Variants in PAQR4 observed in about 807,000 individuals in gnomAD.
The protein encoded by PAQR4 is progestin and adipoQ receptor family member IV.
Under a neutral mutation model 20.9 loss-of-function variants are expected in PAQR4, and 26 were observed. The observed-to-expected ratio is 1.24, with a 90% confidence interval of 0.91 to 1.73. PAQR4 has a LOEUF of 1.73. Among genes scored for constraint, PAQR4 ranks in the 40% most tolerant of loss-of-function variants. The pLI is 0.00. For synonymous variants in PAQR4, 193 were observed against 171.6 expected, an observed-to-expected ratio of 1.12 and a Z score of -0.97; for missense variants, 400 against 380.1, an observed-to-expected ratio of 1.05 and a Z score of -0.44.
Position 2,969,836 on chromosome 16 carries a change from G to A in PAQR4, c.162G>A (p.Thr54=), listed in dbSNP as rs1490081680. The A allele has an allele frequency of 3.1e-6, 5 of 1,609,824 alleles. No homozygotes were observed. The highest frequency in any genetic ancestry group is 3.4e-6 in the Non-Finnish European group (4 of 1,178,640). ...ACAACGAACTGGGCAACATCTACACGCACGGTGAGCCGCGTCCCGCAACGC... is the reference window on the plus strand; with the variant it reads ...ACAACGAACTGGGCAACATCTACACACACGGTGAGCCGCGTCCCGCAACGC... ...YLHNELGNIY[T]HGLALLGFLV... Residue 54 remains threonine (T), a synonymous_variant, in exon 1 of 3, where the codon ACG becomes ACA. Coordinates refer to ENST00000318782, the MANE Select transcript of PAQR4 (RefSeq NM_152341.5).
At position 2,973,156 on chromosome 16, in the gene PAQR4, C is replaced by CG. The variant is rs776822706; in HGVS notation, c.*1214dup. ...TGCTTACCTGGGTGTGCACCTGCTC[C>CG]GGGGGGTGGAGGTGCTCCCCACAGT... On this transcript the variant is annotated 3_prime_UTR_variant, in exon 3 of 3. Coordinates refer to ENST00000318782, the MANE Select transcript of PAQR4 (RefSeq NM_152341.5). The CG allele has an allele frequency of 1.3e-6, 2 of 1,541,800 alleles. No homozygotes were observed. Among genetic ancestry groups the CG allele is most frequent in the Non-Finnish European group, 8.8e-7 (1 of 1,137,986 alleles).
rs2072057928 is a variant in PAQR4 at position 2,973,236 on chromosome 16, CAAG to C, written c.*1289_*1291del. ...AAGGCCTGCAGGAGGGCAGGCGAGACAAGGAGGGTGTCCAGGGCTAGGGAGTGC... is the reference window on the plus strand; with the variant it reads ...AAGGCCTGCAGGAGGGCAGGCGAGACGAGGGTGTCCAGGGCTAGGGAGTGC... On this transcript the variant is annotated 3_prime_UTR_variant, in exon 3 of 3. Transcript: ENST00000318782. 5.4e-6 allele frequency: 8 copies of C among 1,484,584 alleles called. No individual in the cohort carries two copies. Among genetic ancestry groups the C allele is most frequent in the Non-Finnish European group, 6.3e-6 (7 of 1,113,590 alleles). The allele number at this position is 1,484,584 out of a possible 1,614,324, so 92.0% of individuals were successfully genotyped here. A position where few individuals can be genotyped will look rare whatever the true frequency, so the allele number is the denominator to read the frequency against.
chr16:2,969,570 C>T lies in PAQR4; in HGVS notation c.-105C>T. The T allele has an allele frequency of 7.8e-7, 1 of 1,282,610 alleles. No individual in the cohort carries two copies. Among genetic ancestry groups the T allele is most frequent in the Non-Finnish European group, 1.0e-6 (1 of 1,000,286 alleles). The allele number at this position is 1,282,610 out of a possible 1,614,324, so 79.5% of individuals were successfully genotyped here. On this transcript the variant is annotated 5_prime_UTR_variant, in exon 1 of 3. Coordinates refer to ENST00000318782, the MANE Select transcript of PAQR4 (RefSeq NM_152341.5). ...TCGAGCGCAGGGCGATGGGTGGGCG[C>T]CGGGCGCCGGGCGCCAGGCAGTGAT...
chr16:2,970,666 G>T (rs550454526), intron 1 of PAQR4, among the ~76,000 whole-genome samples: 1 of 152,234 alleles, frequency 6.6e-6, no homozygotes, highest in Admixed American at 6.5e-5. Flanking sequence ...AAGGCCCAGT[G>T]CCTCCATTTG....
rs751635157 is a variant in PAQR4, at chr16:2,971,212, G to T, written c.222G>T (p.Gln74His). 6.2e-7 allele frequency: 1 copy of T among 1,613,396 alleles called. No individual in the cohort carries two copies. The highest frequency in any genetic ancestry group is 8.5e-7 in the Non-Finnish European group (1 of 1,180,012). ...TGCCAATGACCATGCCCTGGGGTCA[G>T]CTGGGCAAGGATGGCTGGCTGGGAG... is the stretch of plus-strand genomic sequence containing the variant. ...VLVPMTMPWG[Q>H]LGKDGWLGGT... Residue 74 changes from glutamine (Q) to histidine (H), a missense_variant, in exon 2 of 3, where the codon CAG becomes CAT. By Grantham distance (24) the Gln-to-His change is conservative. Transcript: ENST00000318782.
At position 2,971,557 on chromosome 16, in the gene PAQR4, G is replaced by C; in HGVS notation, c.431G>C (p.Trp144Ser). The change falls in exon 3 of 3, where the codon TGG becomes TCG. Residue 144 changes from tryptophan (W) to serine (S), a missense_variant. Transcript: ENST00000318782. Reference protein sequence around the residue: ...IIHCTLACRPWLRPAALVGYT... With the variant: ...IIHCTLACRPSLRPAALVGYT... ...CACTGCACCCTGGCCTGCAGGCCCT[G>C]GCTGCGCCCGGCTGCCCTGGTGGGC... is the stretch of plus-strand genomic sequence containing the variant. The C allele has an allele frequency of 6.3e-7, 1 of 1,595,982 alleles. No homozygotes were observed. The highest frequency in any genetic ancestry group is 1.3e-5 in the African/African-American group (1 of 74,972).
chr16:2,972,172 G>A lies in PAQR4; in HGVS notation c.*224G>A. On this transcript the variant is annotated 3_prime_UTR_variant, in exon 3 of 3. Transcript: ENST00000318782. ...TTTCCCTCCAAGCTCCTATTTTACTGTGTCAGCTGGAAGGAAACCTTTCCC... is the reference window on the plus strand; with the variant it reads ...TTTCCCTCCAAGCTCCTATTTTACTATGTCAGCTGGAAGGAAACCTTTCCC... The A allele has an allele frequency of 1.7e-6, 1 of 573,766 alleles. No homozygotes were observed. The highest frequency in any genetic ancestry group is 3.0e-6 in the Non-Finnish European group (1 of 329,784). 35.5% of individuals were successfully genotyped at this position (573,766 alleles called of 1,614,324 possible). A position where few individuals can be genotyped will look rare whatever the true frequency, so the allele number is the denominator to read the frequency against.
intron 1 of PAQR4, 183 bp downstream of exon 1, chr16:2,970,023 C>A: frequency 1.2e-6 from 1 of 837,192 alleles, no homozygotes; most frequent in Non-Finnish European, 1.8e-6. Flanking sequence ...CTTCCGTTTT[C>A]CCGGCGGGTG....
chr16:2,972,969 G>A lies in PAQR4; in HGVS notation c.*1021G>A. 1 of 1,608,614 alleles carries A rather than the reference G, an allele frequency of 6.2e-7. No individual in the cohort carries two copies. Among genetic ancestry groups the A allele is most frequent in the Non-Finnish European group, 8.5e-7 (1 of 1,178,582 alleles). ...GTCTGGGGCTCAGGTTGGGTCTAGG[G>A]TGTCCTCAAACAGGCTGAGGAGGTT... On this transcript the variant is annotated 3_prime_UTR_variant, in exon 3 of 3. Transcript: ENST00000318782.
chr16:2,973,290 GCAGGCTC>G lies in PAQR4; in HGVS notation c.*1351_*1357del, dbSNP rs943704306. ...CGGATGAAACCAGCTCTGTCCCTGT[GCAGGCTC>G]CAGGCTCCCGCCTGACAAACAGGCA... On this transcript the variant is annotated 3_prime_UTR_variant, in exon 3 of 3. Transcript: ENST00000318782. The G allele has an allele frequency of 8.7e-6, 13 of 1,502,378 alleles. No homozygotes were observed. Among genetic ancestry groups the G allele is most frequent in the Admixed American group, 2.4e-5 (1 of 40,834 alleles). 93.1% of individuals were successfully genotyped at this position (1,502,378 alleles called of 1,614,324 possible).
rs113543932 is a variant in PAQR4, at chr16:2,973,157, G to A, written c.*1209G>A. On this transcript the variant is annotated 3_prime_UTR_variant, in exon 3 of 3. Coordinates refer to ENST00000318782, the MANE Select transcript of PAQR4 (RefSeq NM_152341.5). ...GCTTACCTGGGTGTGCACCTGCTCC[G>A]GGGGGTGGAGGTGCTCCCCACAGTC... 174 of 1,537,998 alleles carry A rather than the reference G, an allele frequency of 1.1e-4. No homozygotes were observed. The African/African-American group carries it at 1.4e-3, about 13-fold the overall frequency.
Position 2,971,819 on chromosome 16 carries a change from C to T in PAQR4, c.693C>T (p.Gly231=). The T allele has an allele frequency of 6.2e-7, 1 of 1,612,752 alleles. No homozygotes were observed. Among genetic ancestry groups the T allele is most frequent in the Non-Finnish European group, 8.5e-7 (1 of 1,179,906 alleles). Reference sequence around the variant, plus strand: ...GTCTGCCCGAGCGCTGGGGACCTGGCCGCTTTGACTACTGGGGCAACTCCC... The same window carrying T: ...GTCTGCCCGAGCGCTGGGGACCTGGTCGCTTTGACTACTGGGGCAACTCCC... ...VARLPERWGP[G]RFDYWGNSHQ... The change falls in exon 3 of 3, where the codon GGC becomes GGT. Residue 231 remains glycine (G), a synonymous_variant. Coordinates refer to ENST00000318782, the MANE Select transcript of PAQR4 (RefSeq NM_152341.5).
At chr16:2,970,772 CAACTT>C (rs1234558765) in intron 1 of PAQR4, among the ~76,000 whole-genome samples, 3 of 152,258 alleles carry the variant, frequency 2.0e-5, no homozygotes, top group Admixed American at 6.5e-5. Context: ...CTTCACAACT[CAACTT>C]GAGGTTTCGC....
rs764154943 is a variant in PAQR4 at position 2,971,395 on chromosome 16, G to A, written c.388+17G>A. 8 of 1,603,400 alleles carry A rather than the reference G, an allele frequency of 5.0e-6. No individual in the cohort carries two copies. In the South Asian group the frequency reaches 6.6e-5, roughly 13 times the overall value. ...ACACCCTTGGTGAGTCAGGGCCCAA[G>A]GGATGGGAGCTGGAGCCACCGGCGG... On this transcript the variant is annotated intron_variant, in intron 2 of 2. Coordinates refer to ENST00000318782, the MANE Select transcript of PAQR4 (RefSeq NM_152341.5).
chr16:2,973,448 T>TA lies in PAQR4; in HGVS notation c.*1500_*1501insA, dbSNP rs1158685135. On this transcript the variant is annotated 3_prime_UTR_variant, in exon 3 of 3. Coordinates refer to ENST00000318782, the MANE Select transcript of PAQR4 (RefSeq NM_152341.5). ...CTGTCCTTTTCAGAACACATGGACT[T>TA]GGAGGCAGATTTGAAATAAACTTTT... The TA allele has an allele frequency of 6.6e-7, 1 of 1,522,004 alleles. No individual in the cohort carries two copies. The highest frequency in any genetic ancestry group is 2.5e-5 in the East Asian group (1 of 40,344). 94.3% of individuals were successfully genotyped at this position (1,522,004 alleles called of 1,614,324 possible). A position where few individuals can be genotyped will look rare whatever the true frequency, so the allele number is the denominator to read the frequency against.
chr16:2,973,103 T>C lies in PAQR4; in HGVS notation c.*1155T>C. On this transcript the variant is annotated 3_prime_UTR_variant, in exon 3 of 3. Coordinates refer to ENST00000318782, the MANE Select transcript of PAQR4 (RefSeq NM_152341.5). ...GTAGTGACACTCAGGATCCAAAAGCTAGCCCTGCCCACCCCAGCCCCTGGA... is the reference window on the plus strand; with the variant it reads ...GTAGTGACACTCAGGATCCAAAAGCCAGCCCTGCCCACCCCAGCCCCTGGA... 1 of 1,568,920 alleles carries C rather than the reference T, an allele frequency of 6.4e-7. No homozygotes were observed. The highest frequency in any genetic ancestry group is 8.7e-7 in the Non-Finnish European group (1 of 1,154,392).
At position 2,969,700 on chromosome 16, in the gene PAQR4, T is replaced by A; in HGVS notation, c.26T>A (p.Leu9Gln). The A allele has an allele frequency of 6.3e-7, 1 of 1,591,102 alleles. No individual in the cohort carries two copies. The highest frequency in any genetic ancestry group is 8.5e-7 in the Non-Finnish European group (1 of 1,170,600). Residue 9 changes from leucine to glutamine, a missense_variant, in exon 1 of 3, where the codon CTG becomes CAG. Coordinates refer to ENST00000318782, the MANE Select transcript of PAQR4 (RefSeq NM_152341.5). ...ATGGCGTTCCTGGCCGGGCCGCGCC[T>A]GCTGGACTGGGCCAGCTCGCCGCCG... MAFLAGPR[L>Q]LDWASSPPHL...
In PAQR4 at chr16:2,972,007, C is replaced by A; in HGVS notation, c.*59C>A. On this transcript the variant is annotated 3_prime_UTR_variant, in exon 3 of 3. Coordinates refer to ENST00000318782, the MANE Select transcript of PAQR4 (RefSeq NM_152341.5). ...AGAGTTAGCAACACCAGGTGTTCCT[C>A]CCAACTCGTCTGCAAGGGGCTGGCT... 1 of 1,460,710 alleles carries A rather than the reference C, an allele frequency of 6.8e-7. No homozygotes were observed. Among genetic ancestry groups the A allele is most frequent in the East Asian group, 2.4e-5 (1 of 41,978 alleles). The allele number at this position is 1,460,710 out of a possible 1,614,324, so 90.5% of individuals were successfully genotyped here.
In PAQR4 at chr16:2,973,123, C is replaced by T. The variant is rs1264289254; in HGVS notation, c.*1175C>T. On this transcript the variant is annotated 3_prime_UTR_variant, in exon 3 of 3. Coordinates refer to ENST00000318782, the MANE Select transcript of PAQR4 (RefSeq NM_152341.5). ...AAAGCTAGCCCTGCCCACCCCAGCC[C>T]CTGGACCTGCTTACCTGGGTGTGCA... 49 of 1,557,582 alleles carry T rather than the reference C, an allele frequency of 3.1e-5. No homozygotes were observed. Among genetic ancestry groups the T allele is most frequent in the Non-Finnish European group, 4.0e-5 (46 of 1,147,114 alleles).
Sources: allele counts gnomAD v4.1 joint callset (sites outside exome capture counted in the v4.1 genomes callset), GRCh38; gene constraint gnomAD v4.1.1; transcripts MANE v1.5; gene names NCBI Gene and HGNC (gene_info 2026-07-23, HGNC 2026-07-21).